The following PHACTR2 variants were observed in gnomAD, a reference collection of about 807,000 sequenced individuals.
The protein encoded by PHACTR2 is phosphatase and actin regulator 2.
Under a neutral mutation model 76.0 loss-of-function variants are expected in PHACTR2, and 30 were observed. The observed-to-expected ratio is 0.39, with a 90% confidence interval of 0.30 to 0.54. PHACTR2 has a LOEUF of 0.54. Among genes scored for constraint, PHACTR2 ranks in the 20% least tolerant of loss-of-function variants. PHACTR2 has a pLI of 0.61. For synonymous variants in PHACTR2, 292 were observed against 292.5 expected, an observed-to-expected ratio of 1.00 and a Z score of 0.02; for missense variants, 696 against 781.1, an observed-to-expected ratio of 0.89 and a Z score of 1.30.
At position 143,755,700 on chromosome 6, in the gene PHACTR2, G is replaced by A. The variant is rs57567642; in HGVS notation, c.454+1788G>A. On this transcript the variant is annotated intron_variant, in intron 4 of 12. Coordinates refer to ENST00000440869, the MANE Select transcript of PHACTR2 (RefSeq NM_001100164.2). The surrounding 1 kb of genome is among the most constrained non-coding windows in gnomAD (Gnocchi z 5.2). ...CTGGATGCTGACATACCACTAAAGA[G>A]GCAGTGCGGCTGTCTCCTGTGTGGA... Among the ~76,000 whole-genome samples the A allele has an allele frequency of 0.033, 4,965 of 152,212 alleles. 278 individuals are homozygous for A. The highest frequency in any genetic ancestry group is 0.11 in the African/African-American group (4,653 of 41,498).
chr6:143,811,742 A>T lies in PHACTR2; in HGVS notation c.1922+4609A>T, dbSNP rs1776177235. Reference sequence around the variant, plus strand: ...AGTAGGGATATAGTTTGTCTCCAAGACATAAAAATAATGCTTATGATTTTC... The same window carrying T: ...AGTAGGGATATAGTTTGTCTCCAAGTCATAAAAATAATGCTTATGATTTTC... On this transcript the variant is annotated intron_variant, in intron 12 of 12. Transcript: ENST00000440869. This position sits in a 1 kb window ranked among gnomAD's most constrained non-coding sequence, Gnocchi z 4.1. 6.6e-6 allele frequency among the ~76,000 whole-genome samples: 1 copy of T among 152,190 alleles called. No homozygotes were observed. Among genetic ancestry groups the T allele is most frequent in the Non-Finnish European group, 1.5e-5 (1 of 68,026 alleles).
At chr6:143,712,214 G>C (rs1778194112) in intron 2 of PHACTR2, 31 bp downstream of exon 2, 3 of 1,337,088 alleles carry the variant, frequency 2.2e-6, no homozygotes, top group Non-Finnish European at 2.9e-6. Flanking sequence ...TAGAAGATGG[G>C]ATAAATTGTA....
rs1776091323 is a variant in PHACTR2 at position 143,618,269 on chromosome 6, A to G, written c.13+9947A>G. On this transcript the variant is annotated intron_variant, in intron 1 of 11. Coordinates refer to the PHACTR2 transcript ENST00000305766. This position sits in a 1 kb window ranked among gnomAD's most constrained non-coding sequence, Gnocchi z 5.2. ...CTTCCTGCTCCAAACACACACACAC[A>G]CACACACACACACACACGCACACTC... Among the ~76,000 whole-genome samples the G allele has an allele frequency of 6.9e-6, 1 of 144,528 alleles. No homozygotes were observed. The highest frequency in any genetic ancestry group is 2.5e-5 in the African/African-American group (1 of 40,054). The allele number at this position is 144,528 out of a possible 152,430, so 94.8% of individuals were successfully genotyped here.
Position 143,558,074 on chromosome 6 carries a change from G to A in PHACTR2, c.217+20867G>A, listed in dbSNP as rs1338675251. The A allele has an allele frequency of 1.3e-5, 2 of 152,084 alleles. No individual in the cohort carries two copies. The highest frequency in any genetic ancestry group is 2.4e-5 in the African/African-American group (1 of 41,416). 9.4% of individuals were successfully genotyped at this position (152,084 alleles called of 1,614,324 possible). ...GGTCCATCCCACATGCTGCCTGGGA[G>A]CTTCTTCCTTGTCACCTAAGGTCCC... On this transcript the variant is annotated intron_variant, in intron 1 of 11. Transcript: ENST00000367584. This position sits in a 1 kb window ranked among gnomAD's most constrained non-coding sequence, Gnocchi z 4.7.
rs968373696 is a variant in PHACTR2 at position 143,557,296 on chromosome 6, C to T, written c.217+20089C>T. On this transcript the variant is annotated intron_variant, in intron 1 of 11. Coordinates refer to the PHACTR2 transcript ENST00000367584. The surrounding 1 kb of genome is among the most constrained non-coding windows in gnomAD (Gnocchi z 5.5). ...TGAATCCAGTGGGACTTTTATTTGCCCCATTTCACAGATGGGGAAAGTGGA... is the reference window on the plus strand; with the variant it reads ...TGAATCCAGTGGGACTTTTATTTGCTCCATTTCACAGATGGGGAAAGTGGA... 1.3e-5 allele frequency among the ~76,000 whole-genome samples: 2 copies of T among 152,060 alleles called. No homozygotes were observed. Among genetic ancestry groups the T allele is most frequent in the African/African-American group, 2.4e-5 (1 of 41,402 alleles).
At position 143,755,406 on chromosome 6, in the gene PHACTR2, T is replaced by G; in HGVS notation, c.454+1494T>G. ...TAACAGTGCCATCTCTGGTGCCTGG[T>G]CCGTGCAGGGTATTCGTCACTGGAC... On this transcript the variant is annotated intron_variant, in intron 4 of 12. Coordinates refer to ENST00000440869, the MANE Select transcript of PHACTR2 (RefSeq NM_001100164.2). The surrounding 1 kb of genome is among the most constrained non-coding windows in gnomAD (Gnocchi z 5.2). The G allele has an allele frequency of 2.2e-6, 1 of 456,018 alleles. No individual in the cohort carries two copies. The highest frequency in any genetic ancestry group is 4.4e-6 in the Non-Finnish European group (1 of 226,762). 28.2% of individuals were successfully genotyped at this position (456,018 alleles called of 1,614,324 possible).
Position 143,679,084 on chromosome 6 carries a change from T to C in PHACTR2, c.46+875T>C, listed in dbSNP as rs1019175969. On this transcript the variant is annotated intron_variant, in intron 1 of 12. Coordinates refer to ENST00000440869, the MANE Select transcript of PHACTR2 (RefSeq NM_001100164.2). The surrounding 1 kb of genome is among the most constrained non-coding windows in gnomAD (Gnocchi z 4.6). The stretch of plus-strand genomic sequence containing the variant: ...CCGTTTATGTTACTCATTGAGATAT[T>C]TGATACACTTTTTAAATTGTGCAAA... Among the ~76,000 whole-genome samples, 2 of 152,246 alleles carry C rather than the reference T, an allele frequency of 1.3e-5. No individual in the cohort carries two copies. Among genetic ancestry groups the C allele is most frequent in the Non-Finnish European group, 2.9e-5 (2 of 68,050 alleles).
intron 1 of PHACTR2, among the ~76,000 whole-genome samples, chr6:143,631,881 C>A (rs1776368566): frequency 6.6e-6 from 1 of 152,074 alleles, no homozygotes; most frequent in Non-Finnish European, 1.5e-5. Context: ...TTTGGCAGTC[C>A]CTTTTTTGAT....
rs565601518 is a variant in PHACTR2 at position 143,678,407 on chromosome 6, C to G, written c.46+198C>G. ...CCTTTTGGGATCCAGCCGATTTTAC[C>G]TTAAAGGCACAGGCTCCATTTTTCT... On this transcript the variant is annotated intron_variant, in intron 1 of 12. Coordinates refer to ENST00000440869, the MANE Select transcript of PHACTR2 (RefSeq NM_001100164.2). The surrounding 1 kb of genome is among the most constrained non-coding windows in gnomAD (Gnocchi z 6.2). Among the ~76,000 whole-genome samples the G allele has an allele frequency of 6.6e-6, 1 of 152,336 alleles. No homozygotes were observed. The highest frequency in any genetic ancestry group is 2.4e-5 in the African/African-American group (1 of 41,592).
At chr6:143,609,584 T>C (rs916306833) in intron 1 of PHACTR2, among the ~76,000 whole-genome samples, 1 of 152,314 alleles carries the variant, frequency 6.6e-6, no homozygotes, top group East Asian at 1.9e-4. Context: ...TGGTATTCCA[T>C]GACAAGGCAC....
chr6:143,552,854 G>A (rs1354653745), intron 1 of PHACTR2, among the ~76,000 whole-genome samples: 2 of 136,538 alleles, frequency 1.5e-5, no homozygotes, highest in African/African-American at 5.6e-5. Flanking sequence ...CTGCACTCCA[G>A]CCTTGGCAAC....
chr6:143,756,603 G>A (rs1425965934), intron 4 of PHACTR2, among the ~76,000 whole-genome samples: 1 of 151,596 alleles, frequency 6.6e-6, no homozygotes, highest in Admixed American at 6.6e-5. Context: ...GGAGGCTGAG[G>A]CAGGAGAATG....
intron 6 of PHACTR2, among the ~76,000 whole-genome samples, chr6:143,769,703 T>G (rs1219576271): frequency 6.6e-6 from 1 of 152,170 alleles, no homozygotes; most frequent in African/African-American, 2.4e-5. Flanking sequence ...TGATAATTAA[T>G]TAGTGAACAA....
rs1017238824 is a variant in PHACTR2, at chr6:143,683,318, A to G, written c.46+5109A>G. Among the ~76,000 whole-genome samples the G allele has an allele frequency of 1.3e-5, 2 of 152,212 alleles. No individual in the cohort carries two copies. The highest frequency in any genetic ancestry group is 2.9e-5 in the Non-Finnish European group (2 of 68,040). ...ATAAGCAGCCTGACTGCTTTAAACC[A>G]ATGATTATATGAATGAGAGGTATGT... On this transcript the variant is annotated intron_variant, in intron 1 of 12. Coordinates refer to ENST00000440869, the MANE Select transcript of PHACTR2 (RefSeq NM_001100164.2). This position sits in a 1 kb window ranked among gnomAD's most constrained non-coding sequence, Gnocchi z 4.1.
intron 1 of PHACTR2, among the ~76,000 whole-genome samples, chr6:143,560,527 A>G (rs1322294394): frequency 6.6e-6 from 1 of 152,136 alleles, no homozygotes; most frequent in Non-Finnish European, 1.5e-5. Flanking sequence ...ATGAGACTCT[A>G]CTATGTGGAC....
chr6:143,565,356 C>T (rs901152374), intron 1 of PHACTR2, among the ~76,000 whole-genome samples: 24 of 152,214 alleles, frequency 1.6e-4, no homozygotes, highest in Non-Finnish European at 3.2e-4. Flanking sequence ...CGGTGGCTCA[C>T]GCCTGTAATC....
Position 143,755,086 on chromosome 6 carries a change from T to C in PHACTR2, c.454+1174T>C, listed in dbSNP as rs1430502083. Among the ~76,000 whole-genome samples, 2 of 152,238 alleles carry C rather than the reference T, an allele frequency of 1.3e-5. No homozygotes were observed. The highest frequency in any genetic ancestry group is 2.4e-5 in the African/African-American group (1 of 41,462). ...TAAATAATCTGTTGGAAATGTATTA[T>C]TTTGCTTTATTTCAAGGGCTTTATC... On this transcript the variant is annotated intron_variant, in intron 4 of 12. Coordinates refer to ENST00000440869, the MANE Select transcript of PHACTR2 (RefSeq NM_001100164.2). The surrounding 1 kb of genome is among the most constrained non-coding windows in gnomAD (Gnocchi z 5.2).
intron 1 of PHACTR2, among the ~76,000 whole-genome samples, chr6:143,615,747 C>G (rs1259063883): frequency 6.6e-6 from 1 of 152,184 alleles, no homozygotes; most frequent in African/African-American, 2.4e-5. Context: ...ACACACCTTT[C>G]TGGAATATGA....
rs1776216411 is a variant in PHACTR2 at position 143,624,355 on chromosome 6, C to T, written c.13+16033C>T. ...CTCCTGACCTCAGGTGATCCACCCA[C>T]CTTGGCCTCCTAAAGTGCTAGGATT... is the stretch of plus-strand genomic sequence containing the variant. On this transcript the variant is annotated intron_variant, in intron 1 of 11. Coordinates refer to the PHACTR2 transcript ENST00000305766. This position sits in a 1 kb window ranked among gnomAD's most constrained non-coding sequence, Gnocchi z 4.6. Among the ~76,000 whole-genome samples the T allele has an allele frequency of 6.6e-6, 1 of 152,166 alleles. No homozygotes were observed. Among genetic ancestry groups the T allele is most frequent in the African/African-American group, 2.4e-5 (1 of 41,426 alleles).
Sources: gnomAD v4.1 joint callset for allele counts (sites outside exome capture counted in the v4.1 genomes callset) on GRCh38, gnomAD v4.1.1 for gene constraint, Gnocchi (gnomAD v3.1) non-coding constraint, MANE v1.5 for transcripts, NCBI Gene and HGNC (gene_info 2026-07-23, HGNC 2026-07-21) for gene names.